Variants in NKPD1 observed in about 807,000 individuals in gnomAD.
NKPD1 encodes the protein NTPase KAP family P-loop domain containing 1, also known as NTPase KAP family P-loop domain-containing protein 1.
A neutral mutation model predicts 42.2 loss-of-function variants in NKPD1; 37 were observed. The ratio of observed to expected loss-of-function variants is 0.88; its 90% CI spans 0.67 to 1.15. The LOEUF (loss-of-function observed/expected upper bound fraction) is 1.15, where lower values mean the gene tolerates loss of function less well. Ranked by LOEUF, NKPD1 falls within the 50% of genes most tolerant of loss-of-function variation. The probability of loss-of-function intolerance (pLI) is 0.00; values close to 1 mark genes in which losing one functional copy is unlikely to be tolerated. For synonymous variants in NKPD1, 552 were observed against 536.5 expected, an observed-to-expected ratio of 1.03 and a Z score of -0.40; for missense variants, 1,113 against 1,174.6, an observed-to-expected ratio of 0.95 and a Z score of 0.77.
upstream of NKPD1, among the ~76,000 whole-genome samples, chr19:45,162,454 G>A (rs964558519): frequency 3.4e-4 from 52 of 152,206 alleles, no homozygotes; most frequent in African/African-American, 1.2e-3. Flanking sequence ...ACCCATGTCA[G>A]GCAGCGGGCG....
At chr19:45,153,855 G>C (rs1463511656) in intron 4 of NKPD1, 80 bp from the exon 5 acceptor site, 2 of 1,339,688 alleles carry the variant, frequency 1.5e-6, no homozygotes, top group Non-Finnish European at 9.6e-7. Context: ...AGGGCGGAGC[G>C]CTCCTGGAGA....
chr19:45,154,085 A>C (rs1015524353), intron 4 of NKPD1, among the ~76,000 whole-genome samples: 14 of 152,096 alleles, frequency 9.2e-5, no homozygotes, highest in Non-Finnish European at 1.8e-4. Flanking sequence ...AGAGCCAGGG[A>C]TGGGCAAGAG....
rs1968810677 is a variant in NKPD1, at chr19:45,152,627, G to C, written c.1810C>G (p.Leu604Val). Residue 604 changes from leucine (L) to valine (V), a missense_variant, in exon 5 of 5, where the codon CTT (leucine) becomes GTT (valine). Physicochemically the swap from Leu to Val is conservative, Grantham distance 32 (BLOSUM62 1). Around this residue, in one of 3 missense-constraint regions of NKPD1, gnomAD observed 867 missense variants for 870.1 expected, o/e 1.00. Transcript: ENST00000686631. ...ARRIQEALFC[L>V]HDERDCLYEY... ...TAGAGGCAGTCGCGCTCGTCGTGAA[G>C]GCAGAAGAGCGCCTCCTGGATTCGC... is the stretch of plus-strand genomic sequence containing the variant. 6.4e-6 allele frequency: 10 copies of C among 1,571,774 alleles called. No individual in the cohort carries two copies. Among genetic ancestry groups the C allele is most frequent in the African/African-American group, 2.8e-5 (2 of 71,818 alleles).
At chr19:45,154,372 A>G (rs1204639483) in intron 4 of NKPD1, among the ~76,000 whole-genome samples, 1 of 152,188 alleles carries the variant, frequency 6.6e-6, no homozygotes, top group Non-Finnish European at 1.5e-5. Context: ...TGTGAGCCGG[A>G]AGGGCAGGGT....
At position 45,152,217 on chromosome 19, in the gene NKPD1, C is replaced by G. The variant is rs757346619; in HGVS notation, c.2220G>C (p.Leu740=). 6.2e-7 allele frequency: 1 copy of G among 1,602,396 alleles called. No homozygotes were observed. Among genetic ancestry groups the G allele is most frequent in the South Asian group, 1.1e-5 (1 of 89,690 alleles). ...AGTGGTCCAGGTTGACCGTGCAGCG[C>G]AGCAGGCTCTGCGCCTCGGCCACGG... ...PFTVAEAQSL[L]RCTVNLDHSI... Residue 740 remains leucine, a synonymous_variant, in exon 5 of 5, where the codon CTG becomes CTC. Transcript: ENST00000686631.
At position 45,152,607 on chromosome 19, in the gene NKPD1, G is replaced by T. The variant is rs753168833; in HGVS notation, c.1830C>A (p.Cys610Ter). ...ALFCLHDERD[C>*]LYEYVPDNVV... ...CGTTGTCGGGCACGTACTCGTAGAGGCAGTCGCGCTCGTCGTGAAGGCAGA... is the reference window on the plus strand; with the variant it reads ...CGTTGTCGGGCACGTACTCGTAGAGTCAGTCGCGCTCGTCGTGAAGGCAGA... Residue 610 changes from cysteine (C) to a stop codon, truncating the protein, a stop_gained, in exon 5 of 5, where the codon TGC becomes TGA. Transcript: ENST00000686631. LOFTEE classifies it low-confidence loss of function (END_TRUNC). The T allele has an allele frequency of 1.9e-6, 3 of 1,580,558 alleles. No homozygotes were observed. Among genetic ancestry groups the T allele is most frequent in the Non-Finnish European group, 2.6e-6 (3 of 1,173,194 alleles).
At position 45,159,066 on chromosome 19, in the gene NKPD1, GGCC is replaced by G. The variant is rs1273433209; in HGVS notation, c.123_125del (p.Ala42del). 5 of 1,298,354 alleles carry G rather than the reference GGCC, an allele frequency of 3.9e-6. No homozygotes were observed. Among genetic ancestry groups the G allele is most frequent in the Admixed American group, 2.4e-5 (1 of 42,232 alleles). The allele number at this position is 1,298,354 out of a possible 1,614,324, so 80.4% of individuals were successfully genotyped here. On this transcript the variant is annotated inframe_deletion, in exon 3 of 5. Coordinates refer to ENST00000686631, the MANE Select transcript of NKPD1 (RefSeq NM_198478.4). ...GCCGACAGGGCCCATGGGCTCGGAGGGCCGCTGAGTCCTGGCGCCACTGATGAC... is the reference window on the plus strand; with the variant it reads ...GCCGACAGGGCCCATGGGCTCGGAGGGCTGAGTCCTGGCGCCACTGATGAC...
rs1338385960 is a variant in NKPD1, at chr19:45,152,555, T to C, written c.1882A>G (p.Thr628Ala). 6.3e-7 allele frequency: 1 copy of C among 1,586,366 alleles called. No individual in the cohort carries two copies. Among genetic ancestry groups the C allele is most frequent in the Admixed American group, 1.7e-5 (1 of 58,970 alleles). Residue 628 changes from threonine to alanine, a missense_variant, in exon 5 of 5, where the codon ACC (threonine) becomes GCC (alanine). By Grantham distance (58) the Thr-to-Ala change is moderately conservative. This residue lies in a region of NKPD1 where 867 missense variants were observed against 870.1 expected (regional missense o/e 1.00). Transcript: ENST00000686631. ...AGCAGGCGCACGGTGATGGGCACGG[T>C]GTTGACGATGCGCCGCATGGACACC... ...NVVSMRRIVN[T>A]VPITVRLLQQ...
chr19:45,156,174 C>T (rs944861965), intron 3 of NKPD1, among the ~76,000 whole-genome samples: 5 of 152,190 alleles, frequency 3.3e-5, no homozygotes, highest in Middle Eastern at 3.2e-3. Context: ...GCTGAGGCTG[C>T]GGGAAGTCAG....
Position 45,152,145 on chromosome 19 carries a change from C to T in NKPD1, c.2292G>A (p.Lys764=). The T allele has an allele frequency of 6.3e-7, 1 of 1,599,656 alleles. No homozygotes were observed. Among genetic ancestry groups the T allele is most frequent in the Non-Finnish European group, 8.5e-7 (1 of 1,174,122 alleles). ...TAGGGGACTTGGGCGGGCTGGGCGG[C>T]TTGAGCGCGCTGACGGCTCGGATGA... The part of the protein sequence containing the change: ...MGLIRAVSAL[K]PPSPPKSPTR... Residue 764 remains lysine, a synonymous_variant, in exon 5 of 5, where the codon AAG becomes AAA. Transcript: ENST00000686631.
chr19:45,156,661 C>G (rs1968908545), intron 3 of NKPD1, among the ~76,000 whole-genome samples: 1 of 152,236 alleles, frequency 6.6e-6, no homozygotes, highest in Non-Finnish European at 1.5e-5. Flanking sequence ...GGCACTGGCA[C>G]TACGGCATCC....
chr19:45,150,146 T>A lies in NKPD1; in HGVS notation c.*1792A>T, dbSNP rs1180642242. On this transcript the variant is annotated 3_prime_UTR_variant, in exon 5 of 5. Transcript: ENST00000686631. The stretch of plus-strand genomic sequence containing the variant: ...TCTTGCTCTGTCGCCCAGGCTGGAG[T>A]GCAGTGGCACCATCTTGGCTCCAGC... 1.3e-5 allele frequency: 2 copies of A among 151,814 alleles called. No individual in the cohort carries two copies. 9.4% of individuals were successfully genotyped at this position (151,814 alleles called of 1,614,324 possible).
Position 45,158,828 on chromosome 19 carries a change from T to C in NKPD1, c.364A>G (p.Ser122Gly). 1 of 1,278,342 alleles carries C rather than the reference T, an allele frequency of 7.8e-7. No homozygotes were observed. Among genetic ancestry groups the C allele is most frequent in the Non-Finnish European group, 1.0e-6 (1 of 976,386 alleles). The allele number at this position is 1,278,342 out of a possible 1,614,324, so 79.2% of individuals were successfully genotyped here. ...ATSTVPKEPA[S>G]APQAPTLPTT... ...GGTAAGGTGGGCGCCTGAGGGGCGC[T>C]GGCAGGTTCCTTGGGGACAGTGGAG... Residue 122 changes from serine to glycine, a missense_variant, in exon 3 of 5, where the codon AGC (serine) becomes GGC (glycine). Around this residue, in one of 3 missense-constraint regions of NKPD1, gnomAD observed 204 missense variants for 227.8 expected, o/e 0.90. Coordinates refer to ENST00000686631, the MANE Select transcript of NKPD1 (RefSeq NM_198478.4). This position sits in a 1 kb window ranked among gnomAD's most constrained non-coding sequence, Gnocchi z 4.6.
intron 4 of NKPD1, among the ~76,000 whole-genome samples, chr19:45,154,577 A>G (rs1172849709): frequency 2.0e-5 from 3 of 152,210 alleles, no homozygotes; most frequent in Non-Finnish European, 2.9e-5. Context: ...ACAGGACAGG[A>G]CAGTGAGTGC....
Position 45,153,319 on chromosome 19 carries a change from CTCGGGCTGCCGT to C in NKPD1, c.1106_1117del (p.His369_Ser373delinsArg), listed in dbSNP as rs1568456751. On this transcript the variant is annotated inframe_deletion, in exon 5 of 5. Coordinates refer to ENST00000686631, the MANE Select transcript of NKPD1 (RefSeq NM_198478.4). ...GCCAAACACCTTGAGCAGGCTGCCG[CTCGGGCTGCCGT>C]GGCCCAGCGCGTGGCCGCCCAGTGA... 6 of 1,572,388 alleles carry C rather than the reference CTCGGGCTGCCGT, an allele frequency of 3.8e-6. No homozygotes were observed. The highest frequency in any genetic ancestry group is 2.3e-5 in the South Asian group (2 of 86,426).
rs1225318802 is a variant in NKPD1, at chr19:45,152,224, C to T, written c.2213G>A (p.Ser738Asn). ...CAGGTTGACCGTGCAGCGCAGCAGG[C>T]TCTGCGCCTCGGCCACGGTGAAGGG... is the stretch of plus-strand genomic sequence containing the variant. The part of the protein sequence containing the change: ...DFPFTVAEAQ[S>N]LLRCTVNLDH... The change falls in exon 5 of 5, where the codon AGC becomes AAC. Residue 738 changes from serine to asparagine, a missense_variant. Physicochemically the swap from Ser to Asn is conservative, Grantham distance 46. Transcript: ENST00000686631. 6 of 1,603,498 alleles carry T rather than the reference C, an allele frequency of 3.7e-6. No individual in the cohort carries two copies. The highest frequency in any genetic ancestry group is 5.1e-6 in the Non-Finnish European group (6 of 1,176,130).
At position 45,152,152 on chromosome 19, in the gene NKPD1, G is replaced by A. The variant is rs1322783539; in HGVS notation, c.2285C>T (p.Ala762Val). ...RRMGLIRAVS[A>V]LKPPSPPKSP... The stretch of plus-strand genomic sequence containing the variant: ...CTTGGGCGGGCTGGGCGGCTTGAGC[G>A]CGCTGACGGCTCGGATGAGACCCAT... The change falls in exon 5 of 5, where the codon GCG (alanine) becomes GTG (valine). Residue 762 changes from alanine (A) to valine (V), a missense_variant. By Grantham distance (64) the Ala-to-Val change is moderately conservative. Transcript: ENST00000686631. The A allele has an allele frequency of 3.8e-6, 6 of 1,598,556 alleles. No individual in the cohort carries two copies. The South Asian group carries it at 6.7e-5, about 18-fold the overall frequency.
At position 45,150,197 on chromosome 19, in the gene NKPD1, C is replaced by G. The variant is rs1968753957; in HGVS notation, c.*1741G>C. On this transcript the variant is annotated 3_prime_UTR_variant, in exon 5 of 5. Transcript: ENST00000686631. ...CACCACCTCCCGGGTTCAAGTGATC[C>G]TCCCACCTCAGCCTCCTGAGTAGCT... 1 of 152,238 alleles carries G rather than the reference C, an allele frequency of 6.6e-6. No individual in the cohort carries two copies. The highest frequency in any genetic ancestry group is 1.5e-5 in the Non-Finnish European group (1 of 68,088). 9.4% of individuals were successfully genotyped at this position (152,238 alleles called of 1,614,324 possible). A position where few individuals can be genotyped will look rare whatever the true frequency, so the allele number is the denominator to read the frequency against.
rs773360305 is a variant in NKPD1 at position 45,153,578 on chromosome 19, C to T, written c.859G>A (p.Ala287Thr). 37 of 1,560,654 alleles carry T rather than the reference C, an allele frequency of 2.4e-5. No individual in the cohort carries two copies. Among genetic ancestry groups the T allele is most frequent in the East Asian group, 1.6e-4 (7 of 43,070 alleles). ...LFIRFSAWQY[A>T]GTDKLWAGLV... ...CCGGCCCACAGCTTGTCGGTGCCCG[C>T]GTACTGCCAGGCGCTAAAGCGGATG... Residue 287 changes from alanine to threonine, a missense_variant, in exon 5 of 5, where the codon GCG (alanine) becomes ACG (threonine). This residue lies in a region of NKPD1 where 867 missense variants were observed against 870.1 expected (regional missense o/e 1.00). Transcript: ENST00000686631.
Sources: allele counts gnomAD v4.1 joint callset (sites outside exome capture counted in the v4.1 genomes callset), GRCh38; gene constraint gnomAD v4.1.1; regional missense constraint gnomAD v4.1.1; non-coding constraint Gnocchi (gnomAD v3.1); transcripts MANE v1.5; gene names NCBI Gene and HGNC (gene_info 2026-07-23, HGNC 2026-07-21).